Variants in MTMR12 observed in about 807,000 individuals in gnomAD.
MTMR12 encodes the protein myotubularin related protein 12.
In MTMR12, 33 loss-of-function variants were observed where a neutral mutation model predicts 96.7. That is an observed-to-expected ratio of 0.34 (90% CI 0.26 to 0.46). The LOEUF is 0.46. Among genes scored for constraint, MTMR12 ranks in the 20% least tolerant of loss-of-function variants. MTMR12 has a pLI of 1.00. For synonymous variants in MTMR12, 298 were observed against 327.2 expected (o/e 0.91, Z 0.96); for missense variants, 721 against 896.1 (o/e 0.80, Z 2.49).
At chr5:32,251,950 T>A (rs1257205608) in intron 8 of MTMR12, among the ~76,000 whole-genome samples, 1 of 152,074 alleles carries the variant, frequency 6.6e-6, no homozygotes, top group East Asian at 1.9e-4. Flanking sequence ...CTTAAAGGGA[T>A]GAAAACCTGT....
At chr5:32,307,356 C>G (rs1406601717) in intron 1 of MTMR12, among the ~76,000 whole-genome samples, 3 of 152,112 alleles carry the variant, frequency 2.0e-5, no homozygotes, top group Non-Finnish European at 4.4e-5. Context: ...GGTCCCCCGA[C>G]AGAGGCACCG....
chr5:32,303,212 T>G (rs1055047747), intron 1 of MTMR12, among the ~76,000 whole-genome samples: 2 of 152,238 alleles, frequency 1.3e-5, no homozygotes, highest in African/African-American at 4.8e-5. Flanking sequence ...TACATGTCTA[T>G]TATATAACAT....
intron 8 of MTMR12, among the ~76,000 whole-genome samples, chr5:32,253,918 C>T (rs1749044569): frequency 6.6e-6 from 1 of 152,254 alleles, no homozygotes; most frequent in Non-Finnish European, 1.5e-5. Context: ...GCCACTACGC[C>T]CTGCATTTCC....
rs746205594 is a variant in MTMR12, at chr5:32,234,983, A to T, written c.1491T>A (p.Pro497=). The change falls in exon 14 of 16, where the codon CCT becomes CCA. Residue 497 remains proline (P), a synonymous_variant. Coordinates refer to ENST00000382142, the MANE Select transcript of MTMR12 (RefSeq NM_001040446.3). Reference sequence around the variant, plus strand: ...TTACCATGTTAGTATCTTTTTGATGAGGTGAATTGAAGAAGAAGGTGCTAA... The same window carrying T: ...TTACCATGTTAGTATCTTTTTGATGTGGTGAATTGAAGAAGAAGGTGCTAA... ...PIFSTFFFNS[P]HQKDTNMGRE... 1 of 1,613,188 alleles carries T rather than the reference A, an allele frequency of 6.2e-7. No homozygotes were observed. Among genetic ancestry groups the T allele is most frequent in the African/African-American group, 1.3e-5 (1 of 74,880 alleles).
Position 32,244,314 on chromosome 5 carries a change from A to T in MTMR12, c.1022-715T>A, listed in dbSNP as rs1191726029. 2.0e-5 allele frequency among the ~76,000 whole-genome samples: 3 copies of T among 151,140 alleles called. No homozygotes were observed. The East Asian group carries it at 5.8e-4, about 29-fold the overall frequency. On this transcript the variant is annotated intron_variant, in intron 10 of 15. Coordinates refer to ENST00000382142, the MANE Select transcript of MTMR12 (RefSeq NM_001040446.3). ...AAAGAAAAAAAAAAAAAAAGGCCAG[A>T]TGTGGTGGCTCACGCCTGTAATCCC...
intron 6 of MTMR12, 79 bp downstream of exon 6, chr5:32,268,622 T>G (rs541127816): frequency 8.4e-7 from 1 of 1,189,422 alleles, no homozygotes; most frequent in South Asian, 1.2e-5. Flanking sequence ...AACCCATAGA[T>G]GTGTTCTCCC....
At chr5:32,237,987 A>G (rs1392981328) in intron 13 of MTMR12, among the ~76,000 whole-genome samples, 2 of 151,600 alleles carry the variant, frequency 1.3e-5, no homozygotes, top group Admixed American at 1.3e-4. Flanking sequence ...TACTAAAAAT[A>G]CAAAAAATTC....
intron 1 of MTMR12, among the ~76,000 whole-genome samples, chr5:32,311,058 G>T (rs1283046156): frequency 2.0e-5 from 3 of 152,048 alleles, no homozygotes; most frequent in Admixed American, 1.3e-4. Context: ...GTTTCACCAT[G>T]TTGGCCAGGC....
At chr5:32,269,011 T>TA (rs1287301701) in intron 5 of MTMR12, among the ~76,000 whole-genome samples, 4 of 151,904 alleles carry the variant, frequency 2.6e-5, no homozygotes, top group Non-Finnish European at 5.9e-5. Flanking sequence ...CTTTCTTTTT[T>TA]AAAAATTTTT....
intron 1 of MTMR12, among the ~76,000 whole-genome samples, chr5:32,278,330 CTG>C (rs1324259745): frequency 6.6e-6 from 1 of 152,072 alleles, no homozygotes; most frequent in Non-Finnish European, 1.5e-5. Flanking sequence ...CAAATTCTGA[CTG>C]TGAAAAATTC....
intron 1 of MTMR12, among the ~76,000 whole-genome samples, chr5:32,277,053 T>C (rs548305733): frequency 1.3e-5 from 2 of 151,844 alleles, no homozygotes; most frequent in East Asian, 3.9e-4. Context: ...GCCCAGCTAA[T>C]TGTTTGTATT....
rs367991505 is a variant in MTMR12, at chr5:32,235,052, C to A, written c.1422G>T (p.Glu474Asp). The change falls in exon 14 of 16, where the codon GAG (glutamate) becomes GAT (aspartate). Residue 474 changes from glutamate (E) to aspartate (D), a missense_variant. Coordinates refer to ENST00000382142, the MANE Select transcript of MTMR12 (RefSeq NM_001040446.3). ...HQHPPAFEFT[E>D]TYLTVLSDSL... The stretch of plus-strand genomic sequence containing the variant: ...TATCTGACAAAACAGTCAGGTAAGT[C>A]TCTGTGAATTCAAATGCCGGGGGAT... The A allele has an allele frequency of 1.5e-5, 25 of 1,613,956 alleles. No individual in the cohort carries two copies. The African/African-American group carries it at 3.2e-4, about 21-fold the overall frequency.
At chr5:32,304,916 A>G (rs954432966) in intron 1 of MTMR12, among the ~76,000 whole-genome samples, 2 of 152,228 alleles carry the variant, frequency 1.3e-5, no homozygotes, top group African/African-American at 4.8e-5. Context: ...TGGACAGATC[A>G]TCGGGCTAAA....
chr5:32,298,118 G>T (rs1367916323), intron 1 of MTMR12, among the ~76,000 whole-genome samples: 1 of 152,212 alleles, frequency 6.6e-6, no homozygotes, highest in African/African-American at 2.4e-5. Flanking sequence ...CAACATGAAG[G>T]CCGCGTTCAG....
chr5:32,301,094 T>G (rs1051900833), intron 1 of MTMR12, among the ~76,000 whole-genome samples: 13 of 151,730 alleles, frequency 8.6e-5, no homozygotes, highest in African/African-American at 2.4e-4. Flanking sequence ...AGAAAAAGAT[T>G]TGTAGGGCAA....
intron 1 of MTMR12, among the ~76,000 whole-genome samples, chr5:32,295,704 T>C (rs1424628309): frequency 6.6e-6 from 1 of 152,228 alleles, no homozygotes; most frequent in Non-Finnish European, 1.5e-5. Context: ...ATCTGTATGG[T>C]ATTTTCATCC....
Position 32,295,940 on chromosome 5 carries a change from T to C in MTMR12, c.81+16818A>G, listed in dbSNP as rs551243191. On this transcript the variant is annotated intron_variant, in intron 1 of 15. Transcript: ENST00000382142. ...AGGCCAAGGCGGGCAGATCACCTGATGTTAGGAGTTCGAGACCGGCCTGGC... is the reference window on the plus strand; with the variant it reads ...AGGCCAAGGCGGGCAGATCACCTGACGTTAGGAGTTCGAGACCGGCCTGGC... Among the ~76,000 whole-genome samples, 34 of 152,050 alleles carry C rather than the reference T, an allele frequency of 2.2e-4. No homozygotes were observed. In the East Asian group the frequency reaches 5.2e-3, roughly 23 times the overall value.
chr5:32,249,728 G>C (rs1029201697), intron 8 of MTMR12, among the ~76,000 whole-genome samples: 1 of 152,204 alleles, frequency 6.6e-6, no homozygotes, highest in African/African-American at 2.4e-5. Context: ...AAGGTGTTCA[G>C]GCTTTTTTCA....
intron 6 of MTMR12, among the ~76,000 whole-genome samples, chr5:32,267,759 C>T (rs1456981884): frequency 1.3e-5 from 2 of 152,178 alleles, no homozygotes; most frequent in Non-Finnish European, 2.9e-5. Flanking sequence ...CAGGGACAAA[C>T]ATGGTTATTT....
Sources: gnomAD v4.1 joint callset for allele counts (sites outside exome capture counted in the v4.1 genomes callset) on GRCh38, gnomAD v4.1.1 for gene constraint, MANE v1.5 for transcripts, NCBI Gene and HGNC (gene_info 2026-07-23, HGNC 2026-07-21) for gene names.